Variants in CAPN9 observed in about 807,000 individuals in gnomAD.
CAPN9 encodes calpain 9.
CAPN9 carries 81 observed loss-of-function variants against 92.8 expected under a neutral mutation model. The observed-to-expected ratio is 0.87, with a 90% confidence interval of 0.73 to 1.05. CAPN9 has a LOEUF of 1.05. Ranked by LOEUF, CAPN9 falls within the 50% of genes least tolerant of loss-of-function variation. The pLI, the probability that CAPN9 is intolerant of heterozygous loss-of-function variation, is 0.00. For missense variants in CAPN9, 848 were observed against 866.2 expected (o/e 0.98, Z 0.26); for synonymous variants, 304 against 328.0 (o/e 0.93, Z 0.79).
intron 8 of CAPN9, 142 bp from the exon 9 acceptor site, chr1:230,778,831 C>T: frequency 1.4e-6 from 1 of 698,782 alleles, no homozygotes; most frequent in Non-Finnish European, 2.3e-6. Flanking sequence ...TTTTCCATCT[C>T]CCCACACTTT....
At chr1:230,783,455 G>T (rs547804243) in intron 11 of CAPN9, among the ~76,000 whole-genome samples, 1 of 152,094 alleles carries the variant, frequency 6.6e-6, no homozygotes, top group Non-Finnish European at 1.5e-5. Flanking sequence ...TGCTATCCTC[G>T]TGATACTGAG....
chr1:230,758,804 C>T (rs1288681113), intron 2 of CAPN9, among the ~76,000 whole-genome samples: 2 of 152,186 alleles, frequency 1.3e-5, no homozygotes, highest in Non-Finnish European at 1.5e-5. Flanking sequence ...TCTGCTTACA[C>T]AGGCGGCATC....
intron 8 of CAPN9, among the ~76,000 whole-genome samples, chr1:230,774,966 C>G (rs751224104): frequency 2.0e-5 from 3 of 152,102 alleles, no homozygotes; most frequent in Non-Finnish European, 4.4e-5. Context: ...GTCTCGAACC[C>G]CTGACCTCAG....
In CAPN9 at chr1:230,762,053, A is replaced by G. The variant is rs1035129771; in HGVS notation, c.403-600A>G. On this transcript the variant is annotated intron_variant, in intron 3 of 19. Transcript: ENST00000271971. ...GTCATGCCTGCCTGTATGCACATGT[A>G]TACACATGTGTGCGCACATGCATTC... 4.6e-5 allele frequency among the ~76,000 whole-genome samples: 7 copies of G among 152,242 alleles called. No homozygotes were observed. The East Asian group carries it at 1.4e-3, about 29-fold the overall frequency.
chr1:230,772,130 G>T (rs1314442540), intron 7 of CAPN9, 31 bp downstream of exon 7: 3 of 1,592,876 alleles, frequency 1.9e-6, no homozygotes, highest in Admixed American at 1.7e-5. Flanking sequence ...TCTCTGGCTG[G>T]TTCCCGGGGC....
chr1:230,762,134 C>G (rs1665685927), intron 3 of CAPN9, among the ~76,000 whole-genome samples: 1 of 152,242 alleles, frequency 6.6e-6, no homozygotes, highest in Admixed American at 6.5e-5. Context: ...ATTACTGAGT[C>G]CACCTGCCTC....
At chr1:230,798,306 T>C in intron 19 of CAPN9, 86 bp downstream of exon 19, 1 of 867,718 alleles carries the variant, frequency 1.2e-6, no homozygotes, top group East Asian at 2.5e-5. Flanking sequence ...GAATGCTTGA[T>C]TTCATGCAAG....
chr1:230,755,508 T>C (rs1665166616), intron 2 of CAPN9, 102 bp downstream of exon 2: 3 of 819,492 alleles, frequency 3.7e-6, no homozygotes, highest in Non-Finnish European at 5.9e-6. Context: ...GGCACGGGGC[T>C]GGGGGAACAA....
chr1:230,780,115 TGTGTGTGG>T, intron 9 of CAPN9, 56 bp from the exon 10 acceptor site: 1 of 865,354 alleles, frequency 1.2e-6, no homozygotes, highest in Non-Finnish European at 1.8e-6. Context: ...TGTGTGTGTG[TGTGTGTGG>T]TCTTTGTGGG....
chr1:230,763,988 G>T (rs1665807615), intron 4 of CAPN9, among the ~76,000 whole-genome samples: 1 of 152,124 alleles, frequency 6.6e-6, no homozygotes, highest in African/African-American at 2.4e-5. Context: ...CAGAAACTGT[G>T]TGCCATCTAG....
intron 4 of CAPN9, among the ~76,000 whole-genome samples, chr1:230,763,384 T>TTA (rs1397482232): frequency 1.3e-5 from 2 of 152,212 alleles, no homozygotes; most frequent in East Asian, 3.8e-4. Context: ...TCTGTCCCTA[T>TTA]TAACAAATAA....
At position 230,797,297 on chromosome 1, in the gene CAPN9, A is replaced by G. The variant is rs191958940; in HGVS notation, c.1988-865A>G. On this transcript the variant is annotated intron_variant, in intron 18 of 19. Transcript: ENST00000271971. ...AAATAATTTAATAGCAGATCTCAGA[A>G]ACTCTGTCCATTCATCTGAGTATCT... 5.4e-4 allele frequency among the ~76,000 whole-genome samples: 82 copies of G among 152,322 alleles called. 1 individual carries two copies. Among genetic ancestry groups the G allele is most frequent in the Admixed American group, 1.4e-3 (22 of 15,304 alleles).
At chr1:230,757,615 C>T (rs1454151514) in intron 2 of CAPN9, among the ~76,000 whole-genome samples, 1 of 151,548 alleles carries the variant, frequency 6.6e-6, no homozygotes, top group African/African-American at 2.4e-5. Flanking sequence ...ATGTAGAGTG[C>T]TCACACCTGT....
At chr1:230,795,483 C>T (rs2102938031) in intron 18 of CAPN9, 2 of 509,530 alleles carry the variant, frequency 3.9e-6, no homozygotes, top group East Asian at 7.1e-5. Context: ...TTCTTAGCAT[C>T]GCCTTTCTTT....
At chr1:230,780,917 G>A (rs1299958752) in intron 11 of CAPN9, among the ~76,000 whole-genome samples, 2 of 151,528 alleles carry the variant, frequency 1.3e-5, no homozygotes, top group South Asian at 2.1e-4. Context: ...CCAGGCTGGA[G>A]TGCAATGGTG....
chr1:230,768,407 TG>T (rs1344047496), intron 5 of CAPN9, among the ~76,000 whole-genome samples: 1 of 152,192 alleles, frequency 6.6e-6, no homozygotes, highest in Non-Finnish European at 1.5e-5. Flanking sequence ...ACCCTGGGAC[TG>T]GGATCACCTG....
At chr1:230,748,072 A>G (rs965769095) in intron 1 of CAPN9, among the ~76,000 whole-genome samples, 1 of 152,156 alleles carries the variant, frequency 6.6e-6, no homozygotes, top group Admixed American at 6.5e-5. Flanking sequence ...CACTGAGATC[A>G]CGTTATGCAC....
chr1:230,800,476 C>T (rs959859595), intron 19 of CAPN9, among the ~76,000 whole-genome samples: 1 of 152,104 alleles, frequency 6.6e-6, no homozygotes, highest in East Asian at 1.9e-4. Context: ...TAGTCAAAGG[C>T]TCCAGAGCAC....
chr1:230,755,494 A>C, intron 2 of CAPN9, 88 bp downstream of exon 2: 1 of 1,005,506 alleles, frequency 9.9e-7, no homozygotes, highest in Non-Finnish European at 1.5e-6. Flanking sequence ...CTGAGGACCC[A>C]AGAGGCACGG....
Sources: gnomAD v4.1 joint callset for allele counts (sites outside exome capture counted in the v4.1 genomes callset) on GRCh38, gnomAD v4.1.1 for gene constraint, MANE v1.5 for transcripts, NCBI Gene and HGNC (gene_info 2026-07-23, HGNC 2026-07-21) for gene names.